The following GRID1 variants were observed in gnomAD, a reference collection of about 807,000 sequenced individuals.
The protein encoded by GRID1 is glutamate ionotropic receptor delta type subunit 1.
GRID1 carries 28 observed loss-of-function variants against 98.0 expected under a neutral mutation model. The observed-to-expected ratio is 0.29, with a 90% CI of 0.21 to 0.39. GRID1 has a LOEUF of 0.39. Ranked by LOEUF, GRID1 falls within the 10% of genes least tolerant of loss-of-function variation. GRID1 has a pLI of 1.00. For missense variants in GRID1, 1,111 were observed against 1,340.5 expected (o/e 0.83, Z 2.67); for synonymous variants, 553 against 538.5 (o/e 1.03, Z -0.37).
chr10:85,960,400 GT>G (rs575895868), intron 4 of GRID1, among the ~76,000 whole-genome samples: 146 of 152,346 alleles, frequency 9.6e-4, no homozygotes, highest in African/African-American at 3.3e-3. Flanking sequence ...AGGATGCAGA[GT>G]CAGGAAAAGG....
At chr10:86,032,829 T>TAAAAAAAAA (rs58350170) in intron 4 of GRID1, among the ~76,000 whole-genome samples, 2 of 109,884 alleles carry the variant, frequency 1.8e-5, no homozygotes, top group Admixed American at 9.8e-5. Context: ...AATAAATACT[T>TAAAAAAAAA]AAAAAAAAAA....
chr10:85,607,196 A>G (rs758477258), intron 15 of GRID1: 3 of 152,272 alleles, frequency 2.0e-5, no homozygotes, highest in African/African-American at 7.2e-5. Flanking sequence ...GAAATAATAC[A>G]GTGTATTGGA....
chr10:85,858,843 G>A (rs947581317), intron 6 of GRID1, among the ~76,000 whole-genome samples: 2 of 152,156 alleles, frequency 1.3e-5, no homozygotes, highest in African/African-American at 4.8e-5. Flanking sequence ...CTGTGGCTCT[G>A]ACCAGAACCC....
At chr10:85,687,368 A>T (rs1259017981) in intron 12 of GRID1, among the ~76,000 whole-genome samples, 1 of 152,224 alleles carries the variant, frequency 6.6e-6, no homozygotes, top group African/African-American at 2.4e-5. Flanking sequence ...GGTTTTCTCC[A>T]AACTGAAAAT....
chr10:86,172,238 A>C (rs148552403), intron 3 of GRID1, among the ~76,000 whole-genome samples: 23 of 152,324 alleles, frequency 1.5e-4, no homozygotes, highest in Non-Finnish European at 2.6e-4. Flanking sequence ...ATTGCATATA[A>C]GTGGAATCAT....
In GRID1 at chr10:86,164,543, A is replaced by G. The variant is rs115428657; in HGVS notation, c.521-25519T>C. On this transcript the variant is annotated intron_variant, in intron 3 of 15. Transcript: ENST00000327946. ...GCCCTCACCCAGCACAGTGGAGGAA[A>G]CAGAAGGGTAATTAAGTCCATAATT... Among the ~76,000 whole-genome samples the G allele has an allele frequency of 7.7e-3, 1,167 of 152,346 alleles. 23 individuals carry two copies. Among genetic ancestry groups the G allele is most frequent in the African/African-American group, 0.026 (1,096 of 41,584 alleles).
chr10:86,158,946 T>A (rs1024604883), intron 3 of GRID1, among the ~76,000 whole-genome samples: 1 of 152,150 alleles, frequency 6.6e-6, no homozygotes, highest in Non-Finnish European at 1.5e-5. Context: ...CAGGCTGGAG[T>A]GCAGTGGCGC....
At chr10:86,137,935 A>G (rs77935677) in intron 4 of GRID1, among the ~76,000 whole-genome samples, 3,915 of 152,248 alleles carry the variant, frequency 0.026, 177 homozygotes, top group African/African-American at 0.089. Flanking sequence ...GAATTAGTAT[A>G]ATGTCATGTT....
At chr10:85,962,442 C>T (rs7087244) in intron 4 of GRID1, among the ~76,000 whole-genome samples, 2,943 of 152,268 alleles carry the variant, frequency 0.019, 115 homozygotes, top group African/African-American at 0.067. Flanking sequence ...ACCTGACAAA[C>T]GTTAGAACTG....
At chr10:85,776,532 G>A (rs750319264) in intron 8 of GRID1, among the ~76,000 whole-genome samples, 2 of 152,180 alleles carry the variant, frequency 1.3e-5, no homozygotes, top group Non-Finnish European at 2.9e-5. Flanking sequence ...GCAAGAACTG[G>A]GGTGGCCTGT....
intron 13 of GRID1, among the ~76,000 whole-genome samples, chr10:85,632,009 A>T (rs1842980999): frequency 6.8e-6 from 1 of 147,512 alleles, no homozygotes; most frequent in African/African-American, 2.5e-5. Context: ...ACACACACAC[A>T]CACACAAGAA....
At chr10:86,146,076 A>C (rs1424939020) in intron 3 of GRID1, among the ~76,000 whole-genome samples, 1 of 150,322 alleles carries the variant, frequency 6.7e-6, no homozygotes, top group Non-Finnish European at 1.5e-5. Flanking sequence ...AAGCGAAAGA[A>C]GACATTTCAA....
At chr10:85,861,468 A>T (rs1192511266) in intron 6 of GRID1, among the ~76,000 whole-genome samples, 3 of 152,184 alleles carry the variant, frequency 2.0e-5, no homozygotes, top group Admixed American at 1.3e-4. Flanking sequence ...GGGAAAGGCC[A>T]CTTCTCTGCC....
chr10:86,097,738 G>A (rs1844241870), intron 4 of GRID1, among the ~76,000 whole-genome samples: 1 of 152,182 alleles, frequency 6.6e-6, no homozygotes, highest in South Asian at 2.1e-4. Context: ...GTGGGAAAAG[G>A]TGGACAGATA....
At chr10:86,163,657 G>A (rs1203381191) in intron 3 of GRID1, among the ~76,000 whole-genome samples, 1 of 152,150 alleles carries the variant, frequency 6.6e-6, no homozygotes, top group Non-Finnish European at 1.5e-5. Flanking sequence ...GAGACTTTGA[G>A]CCTTGCCCCT....
At chr10:86,111,850 C>T (rs1323006930) in intron 4 of GRID1, among the ~76,000 whole-genome samples, 1 of 152,160 alleles carries the variant, frequency 6.6e-6, no homozygotes. Context: ...CTGGAAAGTG[C>T]CATTGTTTGC....
chr10:86,314,393 G>A (rs1296183610), intron 2 of GRID1, among the ~76,000 whole-genome samples: 2 of 152,256 alleles, frequency 1.3e-5, no homozygotes, highest in African/African-American at 4.8e-5. Context: ...AGATCCCTGA[G>A]ACAAGGGCTC....
At chr10:86,320,350 TA>T (rs1317634324) in intron 2 of GRID1, among the ~76,000 whole-genome samples, 1 of 151,706 alleles carries the variant, frequency 6.6e-6, no homozygotes, top group African/African-American at 2.4e-5. Flanking sequence ...AGCCAGGAGG[TA>T]GGGGTGACAG....
Position 85,673,619 on chromosome 10 carries a change from G to T in GRID1, c.1998-26222C>A, listed in dbSNP as rs149715770. Among the ~76,000 whole-genome samples the T allele has an allele frequency of 4.5e-3, 692 of 152,264 alleles. 8 individuals are homozygous for T. The highest frequency in any genetic ancestry group is 0.016 in the African/African-American group (663 of 41,528). ...CAACTCACTGAAGGCTCAGGTGGGG[G>T]TTAGTACTTTTGAGCATAAGGTACT... On this transcript the variant is annotated intron_variant, in intron 12 of 15. Transcript: ENST00000327946.
Sources: gnomAD v4.1 joint callset for allele counts (sites outside exome capture counted in the v4.1 genomes callset) on GRCh38, gnomAD v4.1.1 for gene constraint, MANE v1.5 for transcripts, NCBI Gene and HGNC (gene_info 2026-07-23, HGNC 2026-07-21) for gene names.